Variants in NCOR1 observed in about 807,000 individuals in gnomAD.
The protein encoded by NCOR1 is protein phosphatase 1, regulatory subunit 109.
In NCOR1, 63 loss-of-function variants were observed where a neutral mutation model predicts 288.1. That is an observed-to-expected ratio of 0.22 (90% CI 0.18 to 0.27). The LOEUF is 0.27. Ranked by LOEUF, NCOR1 falls within the 10% of genes least tolerant of loss-of-function variation. The probability of loss-of-function intolerance (pLI) is 1.00; values close to 1 mark genes in which losing one functional copy is unlikely to be tolerated. For missense variants in NCOR1, 2,397 were observed against 3,019.2 expected (o/e 0.79, Z 4.83); for synonymous variants, 1,007 against 1,065.9 (o/e 0.94, Z 1.08).
chr17:16,046,563 G>T (rs758740509), intron 42 of NCOR1, among the ~76,000 whole-genome samples: 2 of 152,192 alleles, frequency 1.3e-5, no homozygotes, highest in Admixed American at 6.5e-5. Flanking sequence ...GACACTGATT[G>T]AGAGGACTCC....
intron 5 of NCOR1, among the ~76,000 whole-genome samples, chr17:16,162,767 A>G (rs1416731604): frequency 2.0e-5 from 3 of 152,198 alleles, no homozygotes; most frequent in African/African-American, 7.2e-5. Context: ...GGAAATTCTA[A>G]GAGATGTTCT....
chr17:16,213,544 G>T (rs1409707030), intron 1 of NCOR1, among the ~76,000 whole-genome samples: 1 of 147,324 alleles, frequency 6.8e-6, no homozygotes, highest in Non-Finnish European at 1.5e-5. Flanking sequence ...CTGCTCTCAA[G>T]AGATAAAATA....
At chr17:16,118,299 GACA>G (rs1353127320) in intron 17 of NCOR1, among the ~76,000 whole-genome samples, 2 of 152,080 alleles carry the variant, frequency 1.3e-5, no homozygotes, top group Admixed American at 1.3e-4. Flanking sequence ...ACAGGGCTAG[GACA>G]ACATTAGACA....
chr17:16,176,589 T>C lies in NCOR1; in HGVS notation c.243-4594A>G, dbSNP rs539021615. Among the ~76,000 whole-genome samples the C allele has an allele frequency of 4.0e-5, 6 of 150,714 alleles. No individual in the cohort carries two copies. In the East Asian group the frequency reaches 9.6e-4, roughly 24 times the overall value. On this transcript the variant is annotated intron_variant, in intron 3 of 45. Transcript: ENST00000268712. ...CGGCCTCTTTCAGTTTTAGATGCTA[T>C]AATTGCTCAGTGCTTTCATGTCTAA... is the stretch of plus-strand genomic sequence containing the variant.
Position 16,171,662 on chromosome 17 carries a change from T to G in NCOR1, c.435+141A>C, listed in dbSNP as rs1027976117. The G allele has an allele frequency of 3.1e-5, 22 of 716,510 alleles. No individual in the cohort carries two copies. The African/African-American group carries it at 4.1e-4, about 13-fold the overall frequency. The allele number at this position is 716,510 out of a possible 1,614,324, so 44.4% of individuals were successfully genotyped here. Reference sequence around the variant, plus strand: ...CACTCATCTGTGGTTTCTAGTTTTGTTTAACAAAATTTTTACTTTCCCATA... The same window carrying G: ...CACTCATCTGTGGTTTCTAGTTTTGGTTAACAAAATTTTTACTTTCCCATA... On this transcript the variant is annotated intron_variant, in intron 4 of 45. Transcript: ENST00000268712.
At chr17:16,056,481 T>A (rs2059946844) in intron 40 of NCOR1, among the ~76,000 whole-genome samples, 1 of 151,884 alleles carries the variant, frequency 6.6e-6, no homozygotes, top group South Asian at 2.1e-4. Context: ...CTGGCTAATT[T>A]TTTTTTTGTA....
chr17:16,100,607 C>T (rs2067442291), intron 20 of NCOR1, among the ~76,000 whole-genome samples: 1 of 152,190 alleles, frequency 6.6e-6, no homozygotes, highest in African/African-American at 2.4e-5. Context: ...TGTCATTGCA[C>T]TCCAGCCTGG....
In NCOR1 at chr17:16,119,316, T is replaced by C; in HGVS notation, c.1915+107A>G. 4 of 819,720 alleles carry C rather than the reference T, an allele frequency of 4.9e-6. No homozygotes were observed. The Admixed American group carries it at 7.5e-5, about 15-fold the overall frequency. The allele number at this position is 819,720 out of a possible 1,614,324, so 50.8% of individuals were successfully genotyped here. A position where few individuals can be genotyped will look rare whatever the true frequency, so the allele number is the denominator to read the frequency against. On this transcript the variant is annotated intron_variant, in intron 17 of 45. Coordinates refer to ENST00000268712, the MANE Select transcript of NCOR1 (RefSeq NM_006311.4). ...CACTTCTGAGTCCTCTTTGCCTTTT[T>C]GAAAGAATTTTTTTTCCAATTAAAA...
In NCOR1 at chr17:16,031,553, A is replaced by C. The variant is rs1567597170; in HGVS notation, c.*743T>G. The C allele has an allele frequency of 4.6e-6, 1 of 216,994 alleles. No individual in the cohort carries two copies. Among genetic ancestry groups the C allele is most frequent in the East Asian group, 6.8e-5 (1 of 14,604 alleles). 13.4% of individuals were successfully genotyped at this position (216,994 alleles called of 1,614,324 possible). ...CAAATAAGCCTTTAAAACTTTATAA[A>C]CTGAACTAGAACATACCCATGCAGT... On this transcript the variant is annotated 3_prime_UTR_variant, in exon 46 of 46. Coordinates refer to ENST00000268712, the MANE Select transcript of NCOR1 (RefSeq NM_006311.4).
intron 26 of NCOR1, among the ~76,000 whole-genome samples, chr17:16,077,627 G>A (rs2062761215): frequency 6.7e-6 from 1 of 149,048 alleles, no homozygotes; most frequent in Admixed American, 6.7e-5. Context: ...GAGGAAGGGA[G>A]GAAGGGAAAA....
At chr17:16,111,574 C>T (rs1389506581) in intron 18 of NCOR1, among the ~76,000 whole-genome samples, 1 of 151,892 alleles carries the variant, frequency 6.6e-6, no homozygotes, top group African/African-American at 2.4e-5. Flanking sequence ...TGCACTCCAG[C>T]CTTGGTGACA....
intron 32 of NCOR1, among the ~76,000 whole-genome samples, chr17:16,067,347 A>G (rs2061247188): frequency 1.3e-5 from 2 of 152,254 alleles, no homozygotes; most frequent in Admixed American, 6.5e-5. Context: ...GAAAGAGTTG[A>G]TACAGAAGTT....
chr17:16,075,741 C>A (rs772993198), intron 26 of NCOR1, 39 bp from the exon 27 acceptor site: 3 of 1,608,828 alleles, frequency 1.9e-6, no homozygotes, highest in South Asian at 1.1e-5. Flanking sequence ...AGGAGTCACT[C>A]GAGTTTAGGG....
At chr17:16,070,032 A>C in intron 31 of NCOR1, 133 bp downstream of exon 31, 1 of 1,183,362 alleles carries the variant, frequency 8.5e-7, no homozygotes, top group Non-Finnish European at 1.2e-6. Flanking sequence ...CCATACTCCT[A>C]GACTCAAGCA....
chr17:16,035,086 A>C, intron 44 of NCOR1, 142 bp from the exon 45 acceptor site: 1 of 771,010 alleles, frequency 1.3e-6, no homozygotes, highest in Non-Finnish European at 2.1e-6. Flanking sequence ...ATGAAATAAA[A>C]TACTACAGGC....
rs112481479 is a variant in NCOR1 at position 16,094,550 on chromosome 17, G to A, written c.2821-2492C>T. Among the ~76,000 whole-genome samples the A allele has an allele frequency of 7.2e-5, 11 of 151,754 alleles. No homozygotes were observed. In the South Asian group the frequency reaches 8.3e-4, roughly 11 times the overall value. The stretch of plus-strand genomic sequence containing the variant: ...GAGGTGTTCAAACAAGAGTGACTCC[G>A]GCTCCCCTCCCCTCTCCCCTCTCCC... On this transcript the variant is annotated intron_variant, in intron 21 of 45. Coordinates refer to ENST00000268712, the MANE Select transcript of NCOR1 (RefSeq NM_006311.4).
intron 22 of NCOR1, among the ~76,000 whole-genome samples, chr17:16,091,094 G>GT (rs528928751): frequency 4.9e-4 from 74 of 152,074 alleles, no homozygotes; most frequent in African/African-American, 1.8e-3. Context: ...AAGTAAAAGT[G>GT]TATCACACAC....
At chr17:16,039,876 C>G in intron 43 of NCOR1, 1 of 480,654 alleles carries the variant, frequency 2.1e-6, no homozygotes, top group Non-Finnish European at 3.8e-6. Context: ...CTGCAACCTC[C>G]GCCTCCCAGA....
At chr17:16,087,490 GAAGTT>G in intron 22 of NCOR1, 1 of 333,132 alleles carries the variant, frequency 3.0e-6, no homozygotes, top group Non-Finnish European at 5.7e-6. Context: ...CACCCACAGA[GAAGTT>G]AAGAAATCCT....
Sources: gnomAD v4.1 joint callset for allele counts (sites outside exome capture counted in the v4.1 genomes callset) on GRCh38, gnomAD v4.1.1 for gene constraint, MANE v1.5 for transcripts, NCBI Gene and HGNC (gene_info 2026-07-23, HGNC 2026-07-21) for gene names.